The following NCAM1 variants were observed in gnomAD, a reference collection of about 807,000 sequenced individuals.
NCAM1 encodes the protein antigen recognized by monoclonal antibody 5.1H11.
NCAM1 carries 14 observed loss-of-function variants against 109.8 expected under a neutral mutation model. The ratio of observed to expected loss-of-function variants is 0.13; its 90% CI spans 0.08 to 0.20. NCAM1 has a LOEUF of 0.20. Among genes scored for constraint, NCAM1 ranks in the 10% least tolerant of loss-of-function variants. The probability of loss-of-function intolerance (pLI) is 1.00; values close to 1 mark genes in which losing one functional copy is unlikely to be tolerated. For missense variants in NCAM1, 774 were observed against 1,109.9 expected (o/e 0.70, Z 4.30); for synonymous variants, 418 against 442.9 (o/e 0.94, Z 0.70).
intron 17 of NCAM1, among the ~76,000 whole-genome samples, chr11:113,268,743 T>G (rs1946197297): frequency 6.6e-6 from 1 of 152,170 alleles, no homozygotes; most frequent in African/African-American, 2.4e-5. Context: ...CTGGTGCTGG[T>G]TACTCAGTTA....
chr11:113,232,452 C>A, intron 11 of NCAM1, 98 bp downstream of exon 11: 1 of 1,272,076 alleles, frequency 7.9e-7, no homozygotes, highest in Non-Finnish European at 1.1e-6. Flanking sequence ...GCTTCTCTGG[C>A]ACATCCTGAG....
chr11:113,093,618 G>A (rs780206272), intron 1 of NCAM1, among the ~76,000 whole-genome samples: 24 of 152,068 alleles, frequency 1.6e-4, no homozygotes, highest in African/African-American at 4.1e-4. Context: ...GTTTACGAAC[G>A]CCCCATCTCT....
intron 17 of NCAM1, chr11:113,265,300 A>G: frequency 2.9e-6 from 1 of 344,466 alleles, no homozygotes; most frequent in Non-Finnish European, 4.1e-6. Flanking sequence ...TTACCTAGAG[A>G]AATAGTAGCC....
Position 113,277,371 on chromosome 11 carries a change from A to C in NCAM1, c.*1984A>C, listed in dbSNP as rs1160468061. 2.5e-6 allele frequency: 1 copy of C among 399,132 alleles called. No homozygotes were observed. The highest frequency in any genetic ancestry group is 3.6e-5 in the East Asian group (1 of 28,086). The allele number at this position is 399,132 out of a possible 1,614,324, so 24.7% of individuals were successfully genotyped here. On this transcript the variant is annotated 3_prime_UTR_variant, in exon 20 of 20. Coordinates refer to ENST00000316851, the MANE Select transcript of NCAM1 (RefSeq NM_181351.5). ...CAGCTCCTGGGGATGGAAATGGAGG[A>C]TCCCAGAACACACAGCCCTGGCCCC... is the stretch of plus-strand genomic sequence containing the variant.
In NCAM1 at chr11:113,104,213, GGGGGGCGGGGTGGTGGT is replaced by G. The variant is rs1256467660; in HGVS notation, c.53-98163_53-98147del. Among the ~76,000 whole-genome samples, 14 of 127,450 alleles carry G rather than the reference GGGGGGCGGGGTGGTGGT, an allele frequency of 1.1e-4. No homozygotes were observed. In the East Asian group the frequency reaches 2.0e-3, roughly 18 times the overall value. 83.6% of individuals were successfully genotyped at this position (127,450 alleles called of 152,430 possible). ...AGGTGAAGAGGAGGTGGGGTGGGGG[GGGGGGCGGGGTGGTGGT>G]GGCGGTGCAGGGGAAGGGAACAGGC... On this transcript the variant is annotated intron_variant, in intron 1 of 19. Transcript: ENST00000316851.
At chr11:113,228,920 A>G (rs1323607752) in intron 9 of NCAM1, among the ~76,000 whole-genome samples, 1 of 152,234 alleles carries the variant, frequency 6.6e-6, no homozygotes, top group East Asian at 1.9e-4. Flanking sequence ...TACACCTTAT[A>G]CAAAAATTAA....
intron 1 of NCAM1, among the ~76,000 whole-genome samples, chr11:113,089,769 G>A (rs2135751566): frequency 6.6e-6 from 1 of 152,310 alleles, no homozygotes; most frequent in South Asian, 2.1e-4. Flanking sequence ...GGGAGAAGAT[G>A]AAGATACATA....
chr11:113,003,020 A>C (rs1164490275), intron 1 of NCAM1, among the ~76,000 whole-genome samples: 1 of 152,228 alleles, frequency 6.6e-6, no homozygotes, highest in African/African-American at 2.4e-5. Flanking sequence ...CAATACCATA[A>C]ATCAGTTTCA....
intron 1 of NCAM1, among the ~76,000 whole-genome samples, chr11:113,100,909 G>C (rs1429291565): frequency 6.6e-6 from 1 of 152,074 alleles, no homozygotes; most frequent in Admixed American, 6.6e-5. Context: ...TATCACTGTG[G>C]CCACTCTGTG....
intron 1 of NCAM1, among the ~76,000 whole-genome samples, chr11:113,149,892 T>C (rs542711661): frequency 6.6e-6 from 1 of 152,166 alleles, no homozygotes; most frequent in South Asian, 2.1e-4. Context: ...TGACTTTTAT[T>C]TGAAAAAGAG....
intron 1 of NCAM1, among the ~76,000 whole-genome samples, chr11:112,967,672 T>G (rs1295702943): frequency 6.6e-6 from 1 of 152,160 alleles, no homozygotes; most frequent in Non-Finnish European, 1.5e-5. Context: ...AAATAATTAT[T>G]TAGACATAGT....
intron 1 of NCAM1, among the ~76,000 whole-genome samples, chr11:112,997,359 A>G (rs1303173492): frequency 1.3e-5 from 2 of 152,224 alleles, no homozygotes; most frequent in Non-Finnish European, 2.9e-5. Context: ...CACCGCAAGA[A>G]TAGATTTATA....
chr11:113,214,216 C>G (rs1280426727), intron 7 of NCAM1, among the ~76,000 whole-genome samples, 153 bp from the exon 8 acceptor site: 4 of 152,200 alleles, frequency 2.6e-5, no homozygotes, highest in African/African-American at 9.6e-5. Context: ...TCATTGTAAG[C>G]CTTGGAGAGT....
rs145760374 is a variant in NCAM1, at chr11:113,177,386, C to A, written c.53-24993C>A. Among the ~76,000 whole-genome samples the A allele has an allele frequency of 2.8e-4, 42 of 152,240 alleles. 1 individual carries two copies. Among genetic ancestry groups the A allele is most frequent in the African/African-American group, 7.5e-4 (31 of 41,546 alleles). On this transcript the variant is annotated intron_variant, in intron 1 of 19. Coordinates refer to ENST00000316851, the MANE Select transcript of NCAM1 (RefSeq NM_181351.5). ...TGGGATTTGTTTTCGCCAAAAAAAACCACTATTAAAAGTTACCTAGGAAAG... is the reference window on the plus strand; with the variant it reads ...TGGGATTTGTTTTCGCCAAAAAAAAACACTATTAAAAGTTACCTAGGAAAG...
intron 1 of NCAM1, among the ~76,000 whole-genome samples, chr11:113,160,016 C>T (rs527905425): frequency 6.6e-6 from 1 of 152,172 alleles, no homozygotes; most frequent in Admixed American, 6.5e-5. Flanking sequence ...CTGTATGTAG[C>T]TCCTTCCTTC....
chr11:113,191,629 C>T (rs191814414), intron 1 of NCAM1, among the ~76,000 whole-genome samples: 82 of 152,192 alleles, frequency 5.4e-4, no homozygotes, highest in Non-Finnish European at 1.0e-3. Flanking sequence ...AGGATAATAG[C>T]AATACCTATC....
chr11:113,228,082 G>A (rs1373024974), intron 9 of NCAM1, among the ~76,000 whole-genome samples: 2 of 152,156 alleles, frequency 1.3e-5, no homozygotes, highest in African/African-American at 4.8e-5. Flanking sequence ...GTTCTGGCCA[G>A]GGCAATCAGG....
intron 1 of NCAM1, among the ~76,000 whole-genome samples, chr11:113,164,466 C>T (rs1555104918): frequency 6.6e-6 from 1 of 152,152 alleles, no homozygotes; most frequent in African/African-American, 2.4e-5. Flanking sequence ...ATTTCAGTCG[C>T]AAGTCCCAGG....
chr11:113,222,267 A>G (rs1222539232), intron 9 of NCAM1, among the ~76,000 whole-genome samples: 1 of 152,204 alleles, frequency 6.6e-6, no homozygotes, highest in Non-Finnish European at 1.5e-5. Flanking sequence ...CTGTATTTTA[A>G]TTTGGTAAAT....
Sources: gnomAD v4.1 joint callset for allele counts (sites outside exome capture counted in the v4.1 genomes callset) on GRCh38, gnomAD v4.1.1 for gene constraint, MANE v1.5 for transcripts, NCBI Gene and HGNC (gene_info 2026-07-23, HGNC 2026-07-21) for gene names.